Variants in SDK1 observed in about 807,000 individuals in gnomAD.
SDK1 encodes the protein protein sidekick-1.
SDK1 carries 157 observed loss-of-function variants against 245.5 expected under a neutral mutation model. That is an observed-to-expected ratio of 0.64 (90% confidence interval 0.56 to 0.73). The LOEUF (loss-of-function observed/expected upper bound fraction) is 0.73, where lower values mean the gene tolerates loss of function less well. Among genes scored for constraint, SDK1 ranks in the 30% least tolerant of loss-of-function variants. SDK1 has a pLI of 0.00. For synonymous variants in SDK1, 1,647 were observed against 1,278.5 expected, an observed-to-expected ratio of 1.29 and a Z score of -6.15; for missense variants, 3,583 against 3,002.3, an observed-to-expected ratio of 1.19 and a Z score of -4.52.
rs992048561 is a variant in SDK1 at position 4,199,002 on chromosome 7, C to T, written c.5099-6877C>T. ...CTAATTTTTGTGTTTTTAGTAGAGA[C>T]GGGGGTTTCACCATGTTGGCCAGGC... is the stretch of plus-strand genomic sequence containing the variant. On this transcript the variant is annotated intron_variant, in intron 35 of 44. Transcript: ENST00000404826. Among the ~76,000 whole-genome samples, 5 of 151,980 alleles carry T rather than the reference C, an allele frequency of 3.3e-5. 1 individual carries two copies. Among genetic ancestry groups the T allele is most frequent in the South Asian group, 4.2e-4 (2 of 4,802 alleles).
chr7:3,671,796 G>C (rs994425657), intron 4 of SDK1, among the ~76,000 whole-genome samples: 4 of 152,216 alleles, frequency 2.6e-5, no homozygotes, highest in African/African-American at 4.8e-5. Flanking sequence ...AGCAGGAAGT[G>C]AAATTATAAC....
At chr7:4,087,692 G>A (rs996988812) in intron 22 of SDK1, among the ~76,000 whole-genome samples, 1 of 152,282 alleles carries the variant, frequency 6.6e-6, no homozygotes, top group Non-Finnish European at 1.5e-5. Flanking sequence ...AAAATGAGGG[G>A]CGATCAATAT....
chr7:4,139,431 A>ATG (rs1208245701), intron 28 of SDK1, among the ~76,000 whole-genome samples: 2 of 115,326 alleles, frequency 1.7e-5, no homozygotes, highest in African/African-American at 6.4e-5. Flanking sequence ...GTGTGTATGT[A>ATG]TATATGTGTG....
chr7:3,660,082 G>A (rs901321843), intron 4 of SDK1, among the ~76,000 whole-genome samples: 24 of 152,080 alleles, frequency 1.6e-4, no homozygotes, highest in African/African-American at 5.6e-4. Flanking sequence ...AGATCAGACC[G>A]GAGACAGAAT....
intron 5 of SDK1, among the ~76,000 whole-genome samples, chr7:3,869,153 CTTTTTT>C (rs751723918): frequency 8.5e-6 from 1 of 117,130 alleles, no homozygotes. Flanking sequence ...TTTTTCATTT[CTTTTTT>C]TTTTTTTTTT....
intron 4 of SDK1, among the ~76,000 whole-genome samples, chr7:3,775,881 C>A (rs936658117): frequency 3.3e-5 from 5 of 152,172 alleles, no homozygotes; most frequent in Non-Finnish European, 7.4e-5. Context: ...CGGCCTAGTA[C>A]CTCTTTAAAT....
intron 1 of SDK1, among the ~76,000 whole-genome samples, chr7:3,498,606 A>G (rs1216984152): frequency 6.6e-6 from 1 of 152,160 alleles, no homozygotes; most frequent in Non-Finnish European, 1.5e-5. Flanking sequence ...TTGGTTTTCC[A>G]TCTGTCGGCT....
chr7:4,170,941 A>G (rs766062455), intron 32 of SDK1, among the ~76,000 whole-genome samples: 1 of 152,212 alleles, frequency 6.6e-6, no homozygotes, highest in Non-Finnish European at 1.5e-5. Context: ...AAGAGCATTT[A>G]GTAAAATCAG....
At chr7:3,907,747 C>T (rs372260084) in intron 5 of SDK1, among the ~76,000 whole-genome samples, 7 of 152,198 alleles carry the variant, frequency 4.6e-5, no homozygotes, top group African/African-American at 7.2e-5. Flanking sequence ...GAGGGTCTTA[C>T]ATCATCCCTC....
At position 3,979,023 on chromosome 7, in the gene SDK1, C is replaced by G. The variant is rs766711773; in HGVS notation, c.1994+4478C>G. On this transcript the variant is annotated intron_variant, in intron 13 of 44. Coordinates refer to ENST00000404826, the MANE Select transcript of SDK1 (RefSeq NM_152744.4). ...TTGAGGCTGAGTGGAGGGGCGGCCC[C>G]CACACCCACATCACACCCACAGCAG... is the stretch of plus-strand genomic sequence containing the variant. Among the ~76,000 whole-genome samples the G allele has an allele frequency of 2.0e-5, 3 of 152,344 alleles. No homozygotes were observed. The South Asian group carries it at 6.2e-4, about 32-fold the overall frequency.
At chr7:4,057,002 C>T (rs1448798400) in intron 19 of SDK1, among the ~76,000 whole-genome samples, 2 of 152,178 alleles carry the variant, frequency 1.3e-5, no homozygotes, top group East Asian at 3.9e-4. Context: ...GCAGTGACCC[C>T]CAGTGGTGGG....
At chr7:3,994,281 T>TCTAAAA (rs1784546650) in intron 14 of SDK1, among the ~76,000 whole-genome samples, 1 of 152,174 alleles carries the variant, frequency 6.6e-6, no homozygotes, top group African/African-American at 2.4e-5. Context: ...GTCCCAGGGC[T>TCTAAAA]TATCAGACTC....
At chr7:4,199,711 A>C (rs1783779117) in intron 35 of SDK1, among the ~76,000 whole-genome samples, 1 of 152,132 alleles carries the variant, frequency 6.6e-6, no homozygotes, top group Non-Finnish European at 1.5e-5. Context: ...CCCCTGTCCC[A>C]GCTGCCACAC....
chr7:4,195,678 C>T (rs1783535007), intron 35 of SDK1, among the ~76,000 whole-genome samples: 6 of 152,168 alleles, frequency 3.9e-5, no homozygotes, highest in Admixed American at 3.9e-4. Flanking sequence ...TGGCTCTGTC[C>T]CCATAACCCT....
At chr7:3,978,663 C>G (rs1783155468) in intron 13 of SDK1, among the ~76,000 whole-genome samples, 1 of 152,074 alleles carries the variant, frequency 6.6e-6, no homozygotes, top group Admixed American at 6.6e-5. Context: ...ATAATAATAA[C>G]CCGTGATTGC....
intron 1 of SDK1, among the ~76,000 whole-genome samples, chr7:3,407,170 G>C (rs1360990483): frequency 6.6e-6 from 1 of 152,182 alleles, no homozygotes; most frequent in Non-Finnish European, 1.5e-5. Flanking sequence ...TTGCACACTG[G>C]CTCCTCTTTC....
At chr7:3,776,086 C>A (rs1780551946) in intron 4 of SDK1, among the ~76,000 whole-genome samples, 1 of 152,214 alleles carries the variant, frequency 6.6e-6, no homozygotes, top group Admixed American at 6.5e-5. Context: ...GTGCCAGACA[C>A]TGGAGTCAGA....
chr7:3,761,673 C>T (rs1455529046), intron 4 of SDK1, among the ~76,000 whole-genome samples: 1 of 151,564 alleles, frequency 6.6e-6, no homozygotes. Flanking sequence ...GCAGAGAACA[C>T]AGGAATGACT....
At chr7:3,904,193 C>G (rs1407611589) in intron 5 of SDK1, among the ~76,000 whole-genome samples, 1 of 152,184 alleles carries the variant, frequency 6.6e-6, no homozygotes, top group Non-Finnish European at 1.5e-5. Context: ...CACAAAGACC[C>G]ACATACTGCA....
Sources: gnomAD v4.1 joint callset for allele counts (sites outside exome capture counted in the v4.1 genomes callset) on GRCh38, gnomAD v4.1.1 for gene constraint, MANE v1.5 for transcripts, NCBI Gene and HGNC (gene_info 2026-07-23, HGNC 2026-07-21) for gene names.